Variants in UBE3D observed in about 807,000 individuals in gnomAD.
UBE3D encodes the protein E3 ubiquitin-protein ligase E3D.
In UBE3D, 48 loss-of-function variants were observed where a neutral mutation model predicts 49.6. That is an observed-to-expected ratio of 0.97 (90% confidence interval 0.77 to 1.23). The LOEUF is 1.23. UBE3D is among the 50% of genes most tolerant of loss of function. The probability of loss-of-function intolerance (pLI) is 0.00; values close to 1 mark genes in which losing one functional copy is unlikely to be tolerated. For synonymous variants in UBE3D, 189 were observed against 174.2 expected (o/e 1.08, Z -0.67); for missense variants, 452 against 468.4 (o/e 0.96, Z 0.32).
At chr6:82,999,644 C>T (rs1779485114) in intron 8 of UBE3D, among the ~76,000 whole-genome samples, 1 of 152,150 alleles carries the variant, frequency 6.6e-6, no homozygotes, top group Non-Finnish European at 1.5e-5. Context: ...CTCAGCCTCC[C>T]AAAGTGCTGG....
intron 8 of UBE3D, among the ~76,000 whole-genome samples, chr6:82,959,860 T>G (rs1046890168): frequency 2.0e-5 from 3 of 151,288 alleles, no homozygotes; most frequent in South Asian, 2.1e-4. Context: ...CCAAACAGGG[T>G]GCTCCTACAG....
At chr6:83,063,201 C>A in intron 1 of UBE3D, 1 of 260,298 alleles carries the variant, frequency 3.8e-6, no homozygotes, top group Non-Finnish European at 7.8e-6. Flanking sequence ...TCGCTTGAGT[C>A]CAGGAGTTCA....
chr6:82,918,481 G>T (rs1382497873), intron 9 of UBE3D, among the ~76,000 whole-genome samples: 2 of 152,114 alleles, frequency 1.3e-5, no homozygotes, highest in Non-Finnish European at 2.9e-5. Flanking sequence ...TTTACTCAGT[G>T]AAAAAGTTGA....
At chr6:83,001,459 T>G (rs1227764337) in intron 8 of UBE3D, among the ~76,000 whole-genome samples, 1 of 152,230 alleles carries the variant, frequency 6.6e-6, no homozygotes, top group Non-Finnish European at 1.5e-5. Context: ...TTCAGCTTCT[T>G]TTGTCTAGTT....
chr6:83,033,491 C>T lies in UBE3D; in HGVS notation c.667+4925G>A, dbSNP rs192694371. Reference sequence around the variant, plus strand: ...CTGGTGGGAGGTGACTGGATTATGGCGGTGGGTCCTTCATGAATGGTTTAG... The same window carrying T: ...CTGGTGGGAGGTGACTGGATTATGGTGGTGGGTCCTTCATGAATGGTTTAG... On this transcript the variant is annotated intron_variant, in intron 5 of 9. Transcript: ENST00000369747. Among the ~76,000 whole-genome samples, 396 of 152,098 alleles carry T rather than the reference C, an allele frequency of 2.6e-3. 1 individual carries two copies. Among genetic ancestry groups the T allele is most frequent in the Non-Finnish European group, 4.1e-3 (278 of 67,982 alleles).
chr6:83,054,576 C>G (rs1014583935), intron 2 of UBE3D, among the ~76,000 whole-genome samples: 2 of 152,166 alleles, frequency 1.3e-5, no homozygotes, highest in African/African-American at 4.8e-5. Flanking sequence ...AGATCTCCAA[C>G]ATTCTCAGCT....
At chr6:83,028,585 G>A (rs955258271) in intron 5 of UBE3D, among the ~76,000 whole-genome samples, 6 of 151,924 alleles carry the variant, frequency 3.9e-5, no homozygotes, top group African/African-American at 7.3e-5. Flanking sequence ...TGTCCTTCTC[G>A]AAACTAAAGT....
intron 4 of UBE3D, among the ~76,000 whole-genome samples, chr6:83,042,789 C>T (rs1172028077): frequency 2.6e-5 from 4 of 152,154 alleles, no homozygotes; most frequent in Non-Finnish European, 5.9e-5. Context: ...CATTTCAAAA[C>T]CCTGCTAGAT....
intron 9 of UBE3D, among the ~76,000 whole-genome samples, chr6:82,951,076 T>C (rs1775761213): frequency 6.6e-6 from 1 of 152,184 alleles, no homozygotes; most frequent in Non-Finnish European, 1.5e-5. Flanking sequence ...GTAATTTAAT[T>C]GTACATTTAA....
intron 8 of UBE3D, among the ~76,000 whole-genome samples, chr6:82,986,047 A>T (rs1258474344): frequency 6.6e-6 from 1 of 152,220 alleles, no homozygotes; most frequent in Admixed American, 6.5e-5. Flanking sequence ...TGAAAAAACA[A>T]AACAAAATTT....
chr6:82,995,722 C>T lies in UBE3D; in HGVS notation c.1010+23251G>A, dbSNP rs561131293. On this transcript the variant is annotated intron_variant, in intron 8 of 9. Transcript: ENST00000369747. ...ACAGGTATGAGGAGAAAAACAAACGCGTCAACTAGAAAAGCCCATAGGAGA... is the reference window on the plus strand; with the variant it reads ...ACAGGTATGAGGAGAAAAACAAACGTGTCAACTAGAAAAGCCCATAGGAGA... Among the ~76,000 whole-genome samples, 7 of 152,164 alleles carry T rather than the reference C, an allele frequency of 4.6e-5. No homozygotes were observed. The East Asian group carries it at 9.6e-4, about 21-fold the overall frequency.
the UBE3D span, among the ~76,000 whole-genome samples, chr6:82,887,389 G>GTTTTTGTTTTTTTTTT: frequency 8.1e-5 from 8 of 98,368 alleles, 1 homozygote; most frequent in African/African-American, 4.1e-4. Flanking sequence ...GACAGTAACA[G>GTTTTTGTTTTTTTTTT]TTTTTTTTTT....
At chr6:83,059,453 A>G (rs1163775755) in intron 1 of UBE3D, among the ~76,000 whole-genome samples, 1 of 152,238 alleles carries the variant, frequency 6.6e-6, no homozygotes, top group Non-Finnish European at 1.5e-5. Context: ...GGCTGCAGGT[A>G]GGATTTGGCC....
At chr6:82,969,974 T>A (rs1374647842) in intron 8 of UBE3D, among the ~76,000 whole-genome samples, 1 of 150,932 alleles carries the variant, frequency 6.6e-6, no homozygotes, top group Admixed American at 6.6e-5. Context: ...GACAAATAGA[T>A]CCATGGAACA....
At chr6:83,061,320 C>A (rs1784155330) in intron 1 of UBE3D, among the ~76,000 whole-genome samples, 1 of 152,176 alleles carries the variant, frequency 6.6e-6, no homozygotes, top group Non-Finnish European at 1.5e-5. Flanking sequence ...TTATTCTGAA[C>A]TGGATTCTTC....
intron 8 of UBE3D, among the ~76,000 whole-genome samples, chr6:83,000,569 C>A (rs907583474): frequency 6.6e-6 from 1 of 152,208 alleles, no homozygotes; most frequent in African/African-American, 2.4e-5. Context: ...AACAATCTTC[C>A]TGAAGCTTAA....
At chr6:82,886,219 A>G in the UBE3D span, among the ~76,000 whole-genome samples, 1 of 152,238 alleles carries the variant, frequency 6.6e-6, no homozygotes, top group Non-Finnish European at 1.5e-5. Flanking sequence ...TTTTGGCACC[A>G]GGGACTGGTT....
In UBE3D at chr6:82,995,429, T is replaced by C. The variant is rs549055458; in HGVS notation, c.1010+23544A>G. Among the ~76,000 whole-genome samples, 160 of 150,170 alleles carry C rather than the reference T, an allele frequency of 1.1e-3. 1 individual carries two copies. Among genetic ancestry groups the C allele is most frequent in the South Asian group, 2.7e-3 (13 of 4,744 alleles). On this transcript the variant is annotated intron_variant, in intron 8 of 9. Transcript: ENST00000369747. ...CAAAAGAAATTATATAATTTAAAAG[T>C]AAGTTATAGGGTGAAAAAAAGACTA...
chr6:82,963,956 A>G (rs1477810960), intron 8 of UBE3D, among the ~76,000 whole-genome samples: 1 of 152,240 alleles, frequency 6.6e-6, no homozygotes, highest in Non-Finnish European at 1.5e-5. Flanking sequence ...CTATAAGTCA[A>G]TAAGAAAGAT....
Sources: allele counts gnomAD v4.1 joint callset (sites outside exome capture counted in the v4.1 genomes callset), GRCh38; gene constraint gnomAD v4.1.1; transcripts MANE v1.5; gene names NCBI Gene and HGNC (gene_info 2026-07-23, HGNC 2026-07-21).